Variants in CARS1 observed in about 807,000 individuals in gnomAD.
The protein encoded by CARS1 is cysteinyl-tRNA synthetase 1.
Under a neutral mutation model 106.2 loss-of-function variants are expected in CARS1, and 48 were observed. The ratio of observed to expected loss-of-function variants is 0.45; its 90% CI spans 0.36 to 0.57. The LOEUF (loss-of-function observed/expected upper bound fraction) is 0.57, where lower values mean the gene tolerates loss of function less well. Ranked by LOEUF, CARS1 falls within the 20% of genes least tolerant of loss-of-function variation. The pLI is 0.00. For missense variants in CARS1, 968 were observed against 1,057.2 expected, an observed-to-expected ratio of 0.92 and a Z score of 1.17; for synonymous variants, 409 against 403.4, an observed-to-expected ratio of 1.01 and a Z score of -0.17.
chr11:3,030,856 G>A lies in CARS1; in HGVS notation c.802-1413C>T, dbSNP rs1159051697. ...GCAGAGATGAAATCTATTAACAGGC[G>A]AAACAGTCTTATCCATCCTACTGAG... is the stretch of plus-strand genomic sequence containing the variant. On this transcript the variant is annotated intron_variant, in intron 7 of 22. Transcript: ENST00000380525. The surrounding 1 kb of genome is among the most constrained non-coding windows in gnomAD (Gnocchi z 5.7). 3 of 152,310 alleles carry A rather than the reference G, an allele frequency of 2.0e-5. No homozygotes were observed. The highest frequency in any genetic ancestry group is 1.9e-4 in the East Asian group (1 of 5,182). 9.4% of individuals were successfully genotyped at this position (152,310 alleles called of 1,614,324 possible). A position where few individuals can be genotyped will look rare whatever the true frequency, so the allele number is the denominator to read the frequency against.
At chr11:3,001,730 G>A (rs987383396) in intron 22 of CARS1, among the ~76,000 whole-genome samples, 13 of 152,194 alleles carry the variant, frequency 8.5e-5, no homozygotes, top group African/African-American at 3.1e-4. Flanking sequence ...CAGGGCTAGG[G>A]ACCAGAGCTC....
chr11:3,051,473 C>T (rs1223203110), intron 1 of CARS1, among the ~76,000 whole-genome samples: 1 of 152,168 alleles, frequency 6.6e-6, no homozygotes, highest in Non-Finnish European at 1.5e-5. Flanking sequence ...GAGGCGGAGG[C>T]AGACCCACAG....
chr11:3,020,391 C>G lies in CARS1; in HGVS notation c.1154-59G>C. 9.5e-7 allele frequency: 1 copy of G among 1,048,670 alleles called. No individual in the cohort carries two copies. Among genetic ancestry groups the G allele is most frequent in the South Asian group, 1.3e-5 (1 of 79,354 alleles). 65.0% of individuals were successfully genotyped at this position (1,048,670 alleles called of 1,614,324 possible). A position where few individuals can be genotyped will look rare whatever the true frequency, so the allele number is the denominator to read the frequency against. On this transcript the variant is annotated intron_variant, in intron 10 of 22. Coordinates refer to ENST00000380525, the MANE Select transcript of CARS1 (RefSeq NM_001014437.3). This position sits in a 1 kb window ranked among gnomAD's most constrained non-coding sequence, Gnocchi z 4.6. ...CAGCAGCACCCACAGACCCACATGT[C>G]TCACTTCAAGGCCATCCACGGTGCC...
At chr11:3,007,777 A>G (rs1033677884) in intron 18 of CARS1, 2 of 152,224 alleles carry the variant, frequency 1.3e-5, no homozygotes, top group African/African-American at 4.8e-5. Flanking sequence ...CTTGCCCGGC[A>G]TCCCACGGTT....
intron 1 of CARS1, among the ~76,000 whole-genome samples, chr11:3,049,937 C>T (rs1027898908): frequency 6.6e-6 from 1 of 152,116 alleles, no homozygotes; most frequent in African/African-American, 2.4e-5. Flanking sequence ...GAAAGCCCTT[C>T]GTGTCAGGCC....
Position 3,026,744 on chromosome 11 carries a change from T to C in CARS1, c.1085A>G (p.Glu362Gly). Residue 362 changes from glutamate to glycine, a missense_variant, in exon 10 of 23, where the codon GAG becomes GGG. By Grantham distance (98) the Glu-to-Gly change is moderately conservative (BLOSUM62 -2). Transcript: ENST00000380525. The part of the protein sequence containing the change: ...YFDTAKFASS[E>G]KHSYGKLVPE... Reference sequence around the variant, plus strand: ...CACCAGCTTCCCATAGGAGTGCTTCTCGCTAGAAGCAAACTTCGCTGTATC... The same window carrying C: ...CACCAGCTTCCCATAGGAGTGCTTCCCGCTAGAAGCAAACTTCGCTGTATC... 1 of 1,613,960 alleles carries C rather than the reference T, an allele frequency of 6.2e-7. No homozygotes were observed. Among genetic ancestry groups the C allele is most frequent in the East Asian group, 2.2e-5 (1 of 44,884 alleles).
Position 3,012,154 on chromosome 11 carries a change from G to A in CARS1, c.2068+41C>T, listed in dbSNP as rs1490778501. On this transcript the variant is annotated intron_variant, in intron 18 of 22. Coordinates refer to ENST00000380525, the MANE Select transcript of CARS1 (RefSeq NM_001014437.3). ...ACGCCCGGTCCGGGGAGCCCAGTGA[G>A]GGGAGTGGCTCCCACACTCTTTCCA... 3 of 1,552,472 alleles carry A rather than the reference G, an allele frequency of 1.9e-6. No homozygotes were observed. The South Asian group carries it at 3.3e-5, about 17-fold the overall frequency.
At position 3,050,159 on chromosome 11, in the gene CARS1, CTG is replaced by C. The variant is rs1216491696; in HGVS notation, c.26-2160_26-2159del. 1.3e-5 allele frequency among the ~76,000 whole-genome samples: 2 copies of C among 152,206 alleles called. No individual in the cohort carries two copies. Among genetic ancestry groups the C allele is most frequent in the African/African-American group, 4.8e-5 (2 of 41,454 alleles). On this transcript the variant is annotated intron_variant, in intron 1 of 22. Transcript: ENST00000380525. This position sits in a 1 kb window ranked among gnomAD's most constrained non-coding sequence, Gnocchi z 6.3. ...TCTCTGCAGTAAAGGGGTGGGCACT[CTG>C]TGGGAGAGCCTTCCTGAAGTCTCAA...
In CARS1 at chr11:3,046,361, C is replaced by T. The variant is rs911991169; in HGVS notation, c.274+1392G>A. Among the ~76,000 whole-genome samples the T allele has an allele frequency of 2.0e-5, 3 of 152,148 alleles. No homozygotes were observed. The highest frequency in any genetic ancestry group is 4.8e-5 in the African/African-American group (2 of 41,430). On this transcript the variant is annotated intron_variant, in intron 2 of 22. Transcript: ENST00000380525. The surrounding 1 kb of genome is among the most constrained non-coding windows in gnomAD (Gnocchi z 5.8). ...CCTCTGGCTGTGTCTTGGAATGGCACATGGCAGGGGGAACAACCTGACACC... is the reference window on the plus strand; with the variant it reads ...CCTCTGGCTGTGTCTTGGAATGGCATATGGCAGGGGGAACAACCTGACACC...
rs1554975602 is a variant in CARS1, at chr11:3,040,101, AAG to A, written c.456-172_456-171del. On this transcript the variant is annotated intron_variant, in intron 4 of 22. Transcript: ENST00000380525. The surrounding 1 kb of genome is among the most constrained non-coding windows in gnomAD (Gnocchi z 5.8). The stretch of plus-strand genomic sequence containing the variant: ...TCAGTCTACTCAACGTGAAGATGGC[AAG>A]GATGATGACCTTTATAATGATCCAC... 33 of 551,774 alleles carry A rather than the reference AAG, an allele frequency of 6.0e-5. No individual in the cohort carries two copies. Among genetic ancestry groups the A allele is most frequent in the Middle Eastern group, 3.7e-4 (1 of 2,676 alleles). The allele number at this position is 551,774 out of a possible 1,614,324, so 34.2% of individuals were successfully genotyped here.
Position 3,017,358 on chromosome 11 carries a change from T to C in CARS1, c.1728-63A>G, listed in dbSNP as rs1307479353. The C allele has an allele frequency of 4.0e-6, 6 of 1,484,760 alleles. No individual in the cohort carries two copies. In the Admixed American group the frequency reaches 5.1e-5, roughly 13 times the overall value. 92.0% of individuals were successfully genotyped at this position (1,484,760 alleles called of 1,614,324 possible). ...GAAAACACACCATAGAAATTCCCCA[T>C]GTGGCCAGGCGCAGTGGCTCACGCC... On this transcript the variant is annotated intron_variant, in intron 15 of 22. Coordinates refer to ENST00000380525, the MANE Select transcript of CARS1 (RefSeq NM_001014437.3). This position sits in a 1 kb window ranked among gnomAD's most constrained non-coding sequence, Gnocchi z 4.9.
In CARS1 at chr11:3,048,067, C is replaced by T. The variant is rs775059001; in HGVS notation, c.26-66G>A. 22 of 1,578,182 alleles carry T rather than the reference C, an allele frequency of 1.4e-5. No individual in the cohort carries two copies. Among genetic ancestry groups the T allele is most frequent in the Non-Finnish European group, 1.9e-5 (22 of 1,158,878 alleles). ...GGCAGCCCAGAGGCCGCCAGAAAGA[C>T]AGGGACTAGGGGATGGCACAGAACC... On this transcript the variant is annotated intron_variant, in intron 1 of 22. Transcript: ENST00000380525. This position sits in a 1 kb window ranked among gnomAD's most constrained non-coding sequence, Gnocchi z 5.1.
chr11:3,027,031 G>A (rs1339693596), intron 9 of CARS1: 20 of 475,522 alleles, frequency 4.2e-5, no homozygotes, highest in Non-Finnish European at 4.5e-5. Context: ...TCTGCCTGGC[G>A]TCCTGTGACC....
At chr11:3,006,371 G>A (rs186840336) in intron 19 of CARS1, among the ~76,000 whole-genome samples, 337 of 152,310 alleles carry the variant, frequency 2.2e-3, no homozygotes, top group African/African-American at 3.4e-3. Context: ...GCTTGAACCC[G>A]GGAGGCAGAG....
At chr11:3,056,836 C>T (rs368999261) in intron 1 of CARS1, among the ~76,000 whole-genome samples, 19 of 152,138 alleles carry the variant, frequency 1.2e-4, no homozygotes, top group African/African-American at 3.9e-4. Flanking sequence ...TGATGTAGGG[C>T]CACCTCCCGG....
chr11:3,028,987 T>G lies in CARS1; in HGVS notation c.1031+9A>C. The G allele has an allele frequency of 2.5e-6, 4 of 1,607,044 alleles. No homozygotes were observed. In the South Asian group the frequency reaches 3.3e-5, roughly 13 times the overall value. ...CCCTTCCCTCCCTAGGGAAGGCCCT[T>G]GTGCTTACCCGTAACCGTTGTCCAC... On this transcript the variant is annotated intron_variant, in intron 9 of 22. Transcript: ENST00000380525. This position sits in a 1 kb window ranked among gnomAD's most constrained non-coding sequence, Gnocchi z 4.4.
Position 3,049,212 on chromosome 11 carries a change from T to G in CARS1, c.26-1211A>C, listed in dbSNP as rs530759066. Among the ~76,000 whole-genome samples the G allele has an allele frequency of 2.6e-5, 4 of 152,206 alleles. No homozygotes were observed. In the South Asian group the frequency reaches 8.3e-4, roughly 32 times the overall value. ...TCATCACAGCCTCAAAATGCTGGGC[T>G]CAAGTGACCCTCCAGCCTAAGCCTC... On this transcript the variant is annotated intron_variant, in intron 1 of 22. Coordinates refer to ENST00000380525, the MANE Select transcript of CARS1 (RefSeq NM_001014437.3).
At chr11:3,001,452 C>T (rs74751720) in intron 22 of CARS1, among the ~76,000 whole-genome samples, 1,866 of 152,230 alleles carry the variant, frequency 0.012, 39 homozygotes, top group African/African-American at 0.042. Flanking sequence ...GGGAGAGGGG[C>T]GACCAGAGTC....
At chr11:3,002,443 C>T in intron 21 of CARS1, 98 bp downstream of exon 21, 2 of 1,567,024 alleles carry the variant, frequency 1.3e-6, no homozygotes, top group Non-Finnish European at 1.7e-6. Context: ...TCTGCAGGGG[C>T]CTGGCTAAGG....
Sources: allele counts gnomAD v4.1 joint callset (sites outside exome capture counted in the v4.1 genomes callset), GRCh38; gene constraint gnomAD v4.1.1; non-coding constraint Gnocchi (gnomAD v3.1); transcripts MANE v1.5; gene names NCBI Gene and HGNC (gene_info 2026-07-23, HGNC 2026-07-21).